RBFOX1: variants seen among roughly 807,000 people sequenced by gnomAD.
RBFOX1 encodes RNA binding protein fox-1 homolog 1.
In RBFOX1, 8 loss-of-function variants were observed where a neutral mutation model predicts 57.7. The observed-to-expected ratio is 0.14, with a 90% confidence interval of 0.08 to 0.25. The LOEUF (loss-of-function observed/expected upper bound fraction) is 0.25. Among genes scored for constraint, RBFOX1 ranks in the 10% least tolerant of loss-of-function variants. RBFOX1 has a pLI of 1.00. For missense variants in RBFOX1, 611 were observed against 548.5 expected, an observed-to-expected ratio of 1.11 and a Z score of -1.14; for synonymous variants, 326 against 222.4, an observed-to-expected ratio of 1.47 and a Z score of -4.15.
At chr16:7,574,538 T>C (rs1410928686) in intron 5 of RBFOX1, among the ~76,000 whole-genome samples, 4 of 152,066 alleles carry the variant, frequency 2.6e-5, no homozygotes, top group Non-Finnish European at 5.9e-5. Flanking sequence ...TGGAGTCCCA[T>C]GTTCGAGGGC....
At chr16:5,416,384 C>G (rs991435882) in intron 1 of RBFOX1, among the ~76,000 whole-genome samples, 5 of 152,136 alleles carry the variant, frequency 3.3e-5, no homozygotes, top group African/African-American at 1.2e-4. Flanking sequence ...ATCTATCTTT[C>G]CTTTTTTGAC....
chr16:6,647,410 A>G (rs1349899425), intron 2 of RBFOX1, among the ~76,000 whole-genome samples: 1 of 152,034 alleles, frequency 6.6e-6, no homozygotes, highest in Non-Finnish European at 1.5e-5. Context: ...ATGCCTGGCT[A>G]ATTTTTCTAT....
intron 4 of RBFOX1, among the ~76,000 whole-genome samples, chr16:7,456,991 A>G (rs1204604478): frequency 6.6e-6 from 1 of 152,020 alleles, no homozygotes; most frequent in Non-Finnish European, 1.5e-5. Context: ...CCTGGATCCA[A>G]GCAATTCTGC....
At chr16:5,665,957 G>A (rs1409207693) in intron 3 of RBFOX1, among the ~76,000 whole-genome samples, 1 of 152,224 alleles carries the variant, frequency 6.6e-6, no homozygotes, top group Non-Finnish European at 1.5e-5. Context: ...CAGAGCTGAC[G>A]AAATGTCAAA....
intron 3 of RBFOX1, among the ~76,000 whole-genome samples, chr16:6,745,204 G>A (rs948585742): frequency 1.3e-5 from 2 of 151,944 alleles, no homozygotes; most frequent in African/African-American, 4.8e-5. Flanking sequence ...TTCCCTCTAA[G>A]AAAATTCCAA....
chr16:6,563,207 A>G (rs2097207855), intron 2 of RBFOX1, among the ~76,000 whole-genome samples: 1 of 152,048 alleles, frequency 6.6e-6, no homozygotes, highest in African/African-American at 2.4e-5. Context: ...AGTCCATGGC[A>G]CTGCGTGACT....
chr16:6,865,964 TAAG>T (rs1449794360), intron 3 of RBFOX1, among the ~76,000 whole-genome samples: 1 of 151,964 alleles, frequency 6.6e-6, no homozygotes, highest in Non-Finnish European at 1.5e-5. Flanking sequence ...CTAAATCACA[TAAG>T]AAATGCATTG....
At chr16:7,048,044 A>T (rs1272747232) in intron 3 of RBFOX1, among the ~76,000 whole-genome samples, 1 of 151,670 alleles carries the variant, frequency 6.6e-6, no homozygotes, top group African/African-American at 2.4e-5. Flanking sequence ...ACGCCTGGCT[A>T]ATTTTTGTAT....
At chr16:7,132,669 G>A (rs2070821518) in intron 4 of RBFOX1, among the ~76,000 whole-genome samples, 1 of 151,602 alleles carries the variant, frequency 6.6e-6, no homozygotes, top group Non-Finnish European at 1.5e-5. Flanking sequence ...AGGGCAGCCT[G>A]ACGCACACTT....
intron 2 of RBFOX1, among the ~76,000 whole-genome samples, chr16:6,638,737 CA>C (rs532231744): frequency 6.6e-6 from 1 of 152,112 alleles, no homozygotes; most frequent in Non-Finnish European, 1.5e-5. Flanking sequence ...AGAGGAAAAA[CA>C]AAAGAGACTT....
intron 5 of RBFOX1, among the ~76,000 whole-genome samples, chr16:7,534,392 C>T (rs930317903): frequency 6.6e-6 from 1 of 152,002 alleles, no homozygotes; most frequent in African/African-American, 2.4e-5. Context: ...AGTGCACGGC[C>T]ACCACAGCAA....
chr16:5,491,778 T>C (rs1490708298), intron 2 of RBFOX1, among the ~76,000 whole-genome samples: 1 of 152,212 alleles, frequency 6.6e-6, no homozygotes, highest in Non-Finnish European at 1.5e-5. Flanking sequence ...GCTCTTGAGC[T>C]AGAAACATCT....
At chr16:6,588,117 G>A (rs948904347) in intron 2 of RBFOX1, among the ~76,000 whole-genome samples, 7 of 152,006 alleles carry the variant, frequency 4.6e-5, no homozygotes, top group African/African-American at 2.4e-5. Flanking sequence ...TGTAATCCCA[G>A]CTACTCGGGA....
At chr16:6,656,796 A>C (rs1009041962) in intron 3 of RBFOX1, among the ~76,000 whole-genome samples, 1 of 152,166 alleles carries the variant, frequency 6.6e-6, no homozygotes, top group Non-Finnish European at 1.5e-5. Context: ...GTGATAAGAA[A>C]AAATAATGCC....
Position 6,306,053 on chromosome 16 carries a change from G to A in RBFOX1, c.-126-10942G>A, listed in dbSNP as rs542224502. Among the ~76,000 whole-genome samples the A allele has an allele frequency of 7.2e-5, 11 of 152,268 alleles. No individual in the cohort carries two copies. The East Asian group carries it at 9.7e-4, about 13-fold the overall frequency. ...TTCACTGAGCCCATATTTAAAGCGC[G>A]TTGGTTTTGCTCTAGGCACTCTGTT... On this transcript the variant is annotated intron_variant, in intron 1 of 15. Coordinates refer to ENST00000550418, the MANE Select transcript of RBFOX1 (RefSeq NM_018723.4).
At chr16:5,458,093 A>G (rs774262580) in intron 1 of RBFOX1, among the ~76,000 whole-genome samples, 21 of 152,206 alleles carry the variant, frequency 1.4e-4, no homozygotes, top group Admixed American at 3.9e-4. Flanking sequence ...TAAATCATTA[A>G]TCTCTTTACT....
At chr16:7,501,773 C>T (rs1450275129) in intron 4 of RBFOX1, among the ~76,000 whole-genome samples, 3 of 152,192 alleles carry the variant, frequency 2.0e-5, no homozygotes, top group Non-Finnish European at 4.4e-5. Flanking sequence ...TCTGGAAAAC[C>T]TTACCTGATA....
chr16:6,969,807 G>C (rs1268412305), intron 3 of RBFOX1, among the ~76,000 whole-genome samples: 2 of 151,970 alleles, frequency 1.3e-5, no homozygotes, highest in African/African-American at 4.8e-5. Flanking sequence ...CTTCAGTTGT[G>C]TTGCCTCATC....
At chr16:6,772,874 G>T (rs567705582) in intron 3 of RBFOX1, among the ~76,000 whole-genome samples, 38 of 150,534 alleles carry the variant, frequency 2.5e-4, no homozygotes, top group African/African-American at 8.6e-4. Flanking sequence ...GTGTGTGTCT[G>T]TGTGGGCGTG....
Sources: allele counts gnomAD v4.1 joint callset (sites outside exome capture counted in the v4.1 genomes callset), GRCh38; gene constraint gnomAD v4.1.1; transcripts MANE v1.5; gene names NCBI Gene and HGNC (gene_info 2026-07-23, HGNC 2026-07-21).